Variants in ARL15 observed in about 807,000 individuals in gnomAD.
ARL15 encodes ADP-ribosylation factor-like protein 15.
Under a neutral mutation model 25.2 loss-of-function variants are expected in ARL15, and 19 were observed. The observed-to-expected ratio is 0.75, with a 90% confidence interval of 0.53 to 1.10. The LOEUF is 1.10. Among genes scored for constraint, ARL15 ranks in the 50% least tolerant of loss-of-function variants. ARL15 has a pLI of 0.00. For synonymous variants in ARL15, 94 were observed against 86.8 expected (o/e 1.08, Z -0.46); for missense variants, 220 against 246.0 (o/e 0.89, Z 0.71).
At chr5:54,122,758 C>A (rs1017375278) in intron 3 of ARL15, among the ~76,000 whole-genome samples, 3 of 152,160 alleles carry the variant, frequency 2.0e-5, no homozygotes, top group Non-Finnish European at 2.9e-5. Flanking sequence ...AATCTAAGCA[C>A]AAAATGGGCT....
chr5:54,249,252 A>G (rs1757175492), intron 1 of ARL15, among the ~76,000 whole-genome samples: 1 of 152,208 alleles, frequency 6.6e-6, no homozygotes, highest in Non-Finnish European at 1.5e-5. Flanking sequence ...GAGGTAGTAG[A>G]GTCCAACTAA....
intron 4 of ARL15, among the ~76,000 whole-genome samples, chr5:54,041,291 T>C (rs1361323316): frequency 6.6e-6 from 1 of 152,222 alleles, no homozygotes; most frequent in East Asian, 1.9e-4. Flanking sequence ...CACAATTTTT[T>C]TCCAAAGGCT....
intron 1 of ARL15, among the ~76,000 whole-genome samples, chr5:54,273,000 GAAC>G (rs1257904422): frequency 7.2e-5 from 11 of 152,104 alleles, no homozygotes; most frequent in Non-Finnish European, 1.5e-4. Context: ...CTAGCCACAA[GAAC>G]TACCTAGTAT....
In ARL15 at chr5:54,198,865, C is replaced by A. The variant is rs576750954; in HGVS notation, c.49-26937G>T. The stretch of plus-strand genomic sequence containing the variant: ...TCAATCCTAAGCCAAAAGAACAAAG[C>A]TGGAGGCATCACGCTATCTGACTTC... On this transcript the variant is annotated intron_variant, in intron 1 of 4. Coordinates refer to ENST00000504924, the MANE Select transcript of ARL15 (RefSeq NM_019087.3). Among the ~76,000 whole-genome samples the A allele has an allele frequency of 2.8e-4, 42 of 152,188 alleles. 1 individual carries two copies. The East Asian group carries it at 7.1e-3, about 26-fold the overall frequency.
chr5:53,924,509 C>G (rs1580085113), intron 4 of ARL15, among the ~76,000 whole-genome samples: 1 of 152,262 alleles, frequency 6.6e-6, no homozygotes, highest in African/African-American at 2.4e-5. Flanking sequence ...CTATTTCAAC[C>G]CTCTCATTTC....
At chr5:53,905,582 A>T (rs756326243) in intron 4 of ARL15, among the ~76,000 whole-genome samples, 1 of 152,186 alleles carries the variant, frequency 6.6e-6, no homozygotes, top group Non-Finnish European at 1.5e-5. Context: ...CCCTGATTAC[A>T]ATCTTCCACA....
chr5:54,042,293 T>C (rs1750367705), intron 4 of ARL15, among the ~76,000 whole-genome samples: 1 of 152,158 alleles, frequency 6.6e-6, no homozygotes, highest in Admixed American at 6.5e-5. Flanking sequence ...TTTCTAAATG[T>C]AATTAGGGCT....
chr5:54,267,383 G>A (rs751748305), intron 1 of ARL15, among the ~76,000 whole-genome samples: 3 of 152,156 alleles, frequency 2.0e-5, no homozygotes, highest in Admixed American at 1.3e-4. Flanking sequence ...GAGCCACCGC[G>A]CCTGGCCAGA....
chr5:53,886,039 A>C lies in ARL15; in HGVS notation c.*522T>G, dbSNP rs1490456629. 6.6e-6 allele frequency: 1 copy of C among 151,572 alleles called. No individual in the cohort carries two copies. Among genetic ancestry groups the C allele is most frequent in the Non-Finnish European group, 1.5e-5 (1 of 67,926 alleles). 9.4% of individuals were successfully genotyped at this position (151,572 alleles called of 1,614,324 possible). On this transcript the variant is annotated 3_prime_UTR_variant, in exon 5 of 5. Transcript: ENST00000504924. The stretch of plus-strand genomic sequence containing the variant: ...GTGATTAATGAAGTTTTTGGTGCTC[A>C]CTTTTCTCTCATAGTCTATAAGCTC...
intron 1 of ARL15, among the ~76,000 whole-genome samples, chr5:54,221,053 G>C (rs1347666716): frequency 6.6e-6 from 1 of 151,804 alleles, no homozygotes; most frequent in Non-Finnish European, 1.5e-5. Context: ...TCCCCAAATT[G>C]CTTCACCATA....
intron 4 of ARL15, among the ~76,000 whole-genome samples, chr5:54,111,188 T>C (rs1045637094): frequency 6.6e-6 from 1 of 152,016 alleles, no homozygotes; most frequent in Non-Finnish European, 1.5e-5. Context: ...ATTATGCAAA[T>C]TCCATTACAA....
chr5:54,280,166 C>T (rs1758019991), intron 1 of ARL15, among the ~76,000 whole-genome samples: 1 of 152,198 alleles, frequency 6.6e-6, no homozygotes, highest in African/African-American at 2.4e-5. Flanking sequence ...TCTTCCTTCA[C>T]AGATGTCAGA....
At chr5:54,016,049 T>G (rs148363755) in intron 4 of ARL15, among the ~76,000 whole-genome samples, 142 of 152,218 alleles carry the variant, frequency 9.3e-4, no homozygotes, top group Middle Eastern at 6.8e-3. Context: ...CTGAGGATGT[T>G]CTATAAACTT....
intron 4 of ARL15, among the ~76,000 whole-genome samples, chr5:54,066,782 T>G (rs182861876): frequency 2.5e-4 from 38 of 152,292 alleles, no homozygotes; most frequent in Non-Finnish European, 8.8e-5. Context: ...CCTCCTCTAC[T>G]TTCCACATTC....
chr5:54,093,789 T>C (rs1752202776), intron 4 of ARL15, among the ~76,000 whole-genome samples: 1 of 152,214 alleles, frequency 6.6e-6, no homozygotes. Flanking sequence ...TTTACTCTTT[T>C]CTTACTTAAA....
At position 54,261,087 on chromosome 5, in the gene ARL15, T is replaced by C. The variant is rs577027123; in HGVS notation, c.48+49345A>G. Among the ~76,000 whole-genome samples, 6 of 152,272 alleles carry C rather than the reference T, an allele frequency of 3.9e-5. No individual in the cohort carries two copies. The South Asian group carries it at 1.2e-3, about 32-fold the overall frequency. ...GAATGAGGGGCTGCAAGTGGGGAAG[T>C]GTGAGAATGTCAGAAGGTAACTTCA... On this transcript the variant is annotated intron_variant, in intron 1 of 4. Transcript: ENST00000504924.
intron 4 of ARL15, among the ~76,000 whole-genome samples, chr5:53,968,562 T>C (rs1354532461): frequency 2.6e-5 from 4 of 152,136 alleles, no homozygotes; most frequent in African/African-American, 7.2e-5. Flanking sequence ...CAGAAAGTAA[T>C]ATTTACTGTA....
chr5:53,933,816 T>C (rs957798015), intron 4 of ARL15, among the ~76,000 whole-genome samples: 3 of 152,158 alleles, frequency 2.0e-5, no homozygotes, highest in African/African-American at 7.2e-5. Flanking sequence ...TGATGTTACA[T>C]ATTTTCACAA....
At chr5:54,049,654 G>T (rs1407482638) in intron 4 of ARL15, among the ~76,000 whole-genome samples, 1 of 152,098 alleles carries the variant, frequency 6.6e-6, no homozygotes, top group Non-Finnish European at 1.5e-5. Flanking sequence ...AGGCTGGAGT[G>T]CAGTGACACA....
Sources: gnomAD v4.1 joint callset for allele counts (sites outside exome capture counted in the v4.1 genomes callset) on GRCh38, gnomAD v4.1.1 for gene constraint, MANE v1.5 for transcripts, NCBI Gene and HGNC (gene_info 2026-07-23, HGNC 2026-07-21) for gene names.